The following DACT1 variants were observed in gnomAD, a reference collection of about 807,000 sequenced individuals.
DACT1 encodes the protein dapper homolog 1.
A neutral mutation model predicts 35.3 loss-of-function variants in DACT1; 19 were observed. That is an observed-to-expected ratio of 0.54 (90% confidence interval 0.38 to 0.79). The LOEUF (loss-of-function observed/expected upper bound fraction) is 0.79. DACT1 is among the 30% of genes least tolerant of loss of function. The pLI, the probability that DACT1 is intolerant of heterozygous loss-of-function variation, is 0.00. For missense variants in DACT1, 1,143 were observed against 1,057.5 expected (o/e 1.08, Z -1.12); for synonymous variants, 545 against 466.7 (o/e 1.17, Z -2.16).
At chr14:58,640,986 TAAACA>T in intron 2 of DACT1, 118 bp downstream of exon 2, 1 of 1,141,110 alleles carries the variant, frequency 8.8e-7, no homozygotes, top group Non-Finnish European at 1.2e-6. Context: ...GCAGAGAGGA[TAAACA>T]AAAAAGAAGT....
intron 1 of DACT1, among the ~76,000 whole-genome samples, chr14:58,640,328 A>G (rs2047615257): frequency 6.6e-6 from 1 of 152,222 alleles, no homozygotes; most frequent in Non-Finnish European, 1.5e-5. Flanking sequence ...CTCACCTAAG[A>G]TTATAGTGTA....
chr14:58,647,074 C>A lies in DACT1; in HGVS notation c.2340C>A (p.Asn780Lys), dbSNP rs754303146. 25 of 1,614,044 alleles carry A rather than the reference C, an allele frequency of 1.5e-5. No individual in the cohort carries two copies. The highest frequency in any genetic ancestry group is 2.7e-5 in the African/African-American group (2 of 74,906). ...TTGTCAAAATTAAGGCCTCACATAA[C>A]CTCAAGAAGAAGATCCTCCGCTTTC... Reference protein sequence around the residue: ...KTFVKIKASHNLKKKILRFRS... With the variant: ...KTFVKIKASHKLKKKILRFRS... The change falls in exon 4 of 4, where the codon AAC (asparagine) becomes AAA (lysine). Residue 780 changes from asparagine (N) to lysine (K), a missense_variant. Transcript: ENST00000395153.
rs761824658 is a variant in DACT1, at chr14:58,646,672, C to G, written c.1938C>G (p.Ala646=). ...RTDYRRWKSS[A]EISYEEALRR... ...ACTACCGGCGGTGGAAGTCCTCGGC[C>G]GAGATTTCCTACGAAGAGGCCCTGA... The change falls in exon 4 of 4, where the codon GCC becomes GCG. Residue 646 remains alanine, a synonymous_variant. Coordinates refer to ENST00000395153, the MANE Select transcript of DACT1 (RefSeq NM_001079520.2). The G allele has an allele frequency of 3.7e-6, 6 of 1,612,448 alleles. No individual in the cohort carries two copies. The highest frequency in any genetic ancestry group is 1.1e-5 in the South Asian group (1 of 91,068).
intron 1 of DACT1, chr14:58,639,029 G>T (rs1181618452): frequency 1.4e-5 from 14 of 985,296 alleles, no homozygotes; most frequent in Non-Finnish European, 1.7e-5. Context: ...CGAGTTTTAC[G>T]ATTACACTGG....
upstream of DACT1, among the ~76,000 whole-genome samples, chr14:58,637,413 T>C (rs2047580650): frequency 6.6e-6 from 1 of 152,260 alleles, no homozygotes; most frequent in Non-Finnish European, 1.5e-5. Context: ...TTGCTTGCCT[T>C]TACAAAGTGG....
intron 1 of DACT1, 105 bp downstream of exon 1, chr14:58,638,652 T>A: frequency 2.4e-6 from 3 of 1,236,482 alleles, no homozygotes; most frequent in Non-Finnish European, 3.0e-6. Flanking sequence ...GGGGAGATGC[T>A]CGCTGTTATG....
At chr14:58,645,129 G>A (rs1714605519) in intron 3 of DACT1, 1 of 743,158 alleles carries the variant, frequency 1.3e-6, no homozygotes, top group Non-Finnish European at 2.2e-6. Context: ...CATGTGAAAT[G>A]GTAGGGCAGC....
At chr14:58,634,423 CTT>C (rs770315355), upstream of DACT1, among the ~76,000 whole-genome samples, 1 of 152,192 alleles carries the variant, frequency 6.6e-6, no homozygotes, top group Non-Finnish European at 1.5e-5. Flanking sequence ...TCAATGTCTG[CTT>C]TCTTTCCCCT....
At chr14:58,644,279 A>G (rs2047652943) in intron 3 of DACT1, among the ~76,000 whole-genome samples, 1 of 152,202 alleles carries the variant, frequency 6.6e-6, no homozygotes, top group Non-Finnish European at 1.5e-5. Flanking sequence ...TATTACCAAG[A>G]ATTCTTTATC....
At position 58,638,961 on chromosome 14, in the gene DACT1, C is replaced by T. The variant is rs1240225622; in HGVS notation, c.345+414C>T. On this transcript the variant is annotated intron_variant, in intron 1 of 3. Transcript: ENST00000395153. ...AGGTTTTCTTGACTTTATCTCCTCC[C>T]GCCGAGAGGGGCCAAAAGCCAAGGA... 3 of 987,838 alleles carry T rather than the reference C, an allele frequency of 3.0e-6. No individual in the cohort carries two copies. In the South Asian group the frequency reaches 1.4e-4, roughly 46 times the overall value. 61.2% of individuals were successfully genotyped at this position (987,838 alleles called of 1,614,324 possible).
chr14:58,635,642 C>T (rs948791128), upstream of DACT1, among the ~76,000 whole-genome samples: 1 of 117,430 alleles, frequency 8.5e-6, no homozygotes, highest in African/African-American at 3.3e-5. Context: ...CGGCAAATGG[C>T]TTGCTTTGGA....
rs769670449 is a variant in DACT1 at position 58,646,315 on chromosome 14, G to T, written c.1581G>T (p.Gln527His). Residue 527 changes from glutamine (Q) to histidine (H), a missense_variant, in exon 4 of 4, where the codon CAG becomes CAT. Physicochemically the swap from Gln to His is conservative, Grantham distance 24. This residue lies in a region of DACT1 where 1,054 missense variants were observed against 958.8 expected (regional missense o/e 1.10). Coordinates refer to ENST00000395153, the MANE Select transcript of DACT1 (RefSeq NM_001079520.2). ...LVKAQFIPGQ[Q>H]PSVRLHRGHR... ...AGGCCCAGTTTATCCCGGGGCAGCAGCCCAGTGTCAGGCTCCACCGGGGCC... is the reference window on the plus strand; with the variant it reads ...AGGCCCAGTTTATCCCGGGGCAGCATCCCAGTGTCAGGCTCCACCGGGGCC... 7 of 1,609,966 alleles carry T rather than the reference G, an allele frequency of 4.3e-6. No homozygotes were observed. Among genetic ancestry groups the T allele is most frequent in the Middle Eastern group, 1.6e-4 (1 of 6,064 alleles).
intron 1 of DACT1, 112 bp downstream of exon 1, chr14:58,638,659 T>C: frequency 8.1e-7 from 1 of 1,230,880 alleles, no homozygotes; most frequent in Non-Finnish European, 1.0e-6. Context: ...TGCTCGCTGT[T>C]ATGGGACGCC....
At chr14:58,634,370 G>T (rs2047560666), upstream of DACT1, among the ~76,000 whole-genome samples, 1 of 152,124 alleles carries the variant, frequency 6.6e-6, no homozygotes, top group Non-Finnish European at 1.5e-5. Flanking sequence ...CCATGATGTT[G>T]CCCCATTTTG....
At position 58,646,746 on chromosome 14, in the gene DACT1, C is replaced by G. The variant is rs201416324; in HGVS notation, c.2012C>G (p.Pro671Arg). Residue 671 changes from proline to arginine, a missense_variant, in exon 4 of 4, where the codon CCT (proline) becomes CGT (arginine). Pro to Arg is a moderately radical substitution (Grantham distance 103). Around this residue, in one of 3 missense-constraint regions of DACT1, gnomAD observed 1,054 missense variants for 958.8 expected, o/e 1.10. Transcript: ENST00000395153. ...GAGAATGTGGGGCTGTACCCCGCGCCTGTGCCTCTGCCCTACGCCAGCCCC... is the reference window on the plus strand; with the variant it reads ...GAGAATGTGGGGCTGTACCCCGCGCGTGTGCCTCTGCCCTACGCCAGCCCC... ...RRENVGLYPA[P>R]VPLPYASPYA... is the part of the protein sequence containing the mutation. 308 of 1,613,852 alleles carry G rather than the reference C, an allele frequency of 1.9e-4. 2 individuals are homozygous for G. The Middle Eastern group carries it at 4.8e-3, about 25-fold the overall frequency.
chr14:58,638,040 G>A lies in DACT1; in HGVS notation c.-163G>A, dbSNP rs536881879. 1.6e-3 allele frequency: 1,017 copies of A among 655,080 alleles called. 7 individuals are homozygous for A. The highest frequency in any genetic ancestry group is 0.015 in the African/African-American group (775 of 52,170). The allele number at this position is 655,080 out of a possible 1,614,324, so 40.6% of individuals were successfully genotyped here. A position where few individuals can be genotyped will look rare whatever the true frequency, so the allele number is the denominator to read the frequency against. Reference sequence around the variant, plus strand: ...GCCCGGGCCGGGACAGCAGCAGCCGGCGGTCGCGCGCAGGACTCGAGGGCT... The same window carrying A: ...GCCCGGGCCGGGACAGCAGCAGCCGACGGTCGCGCGCAGGACTCGAGGGCT... On this transcript the variant is annotated 5_prime_UTR_variant, in exon 1 of 4. Coordinates refer to ENST00000395153, the MANE Select transcript of DACT1 (RefSeq NM_001079520.2).
In DACT1 at chr14:58,646,288, C is replaced by G. The variant is rs765807517; in HGVS notation, c.1554C>G (p.Val518=). The G allele has an allele frequency of 2.5e-6, 4 of 1,612,508 alleles. No homozygotes were observed. Among genetic ancestry groups the G allele is most frequent in the South Asian group, 1.1e-5 (1 of 90,798 alleles). The change falls in exon 4 of 4, where the codon GTC becomes GTG. Residue 518 remains valine (V), a synonymous_variant. Coordinates refer to ENST00000395153, the MANE Select transcript of DACT1 (RefSeq NM_001079520.2). ...SSQSLEEAHL[V]KAQFIPGQQP... is the part of the protein sequence containing the mutation. ...AAAGCCTGGAGGAAGCGCACCTGGT[C>G]AAGGCCCAGTTTATCCCGGGGCAGC...
intron 1 of DACT1, among the ~76,000 whole-genome samples, chr14:58,639,991 A>T (rs2047612142): frequency 6.6e-6 from 1 of 152,264 alleles, no homozygotes; most frequent in Non-Finnish European, 1.5e-5. Flanking sequence ...CAGTCCAGTC[A>T]GTATTTATGG....
intron 2 of DACT1, 65 bp downstream of exon 2, chr14:58,640,933 AAC>A (rs2047621178): frequency 1.3e-6 from 2 of 1,580,874 alleles, no homozygotes; most frequent in East Asian, 4.5e-5. Flanking sequence ...CCTTGTGGTT[AAC>A]ATTCCCAGAC....
Sources: allele counts gnomAD v4.1 joint callset (sites outside exome capture counted in the v4.1 genomes callset), GRCh38; gene constraint gnomAD v4.1.1; regional missense constraint gnomAD v4.1.1; transcripts MANE v1.5; gene names NCBI Gene and HGNC (gene_info 2026-07-23, HGNC 2026-07-21).